The following UPP2 variants were observed in gnomAD, a reference collection of about 807,000 sequenced individuals.
UPP2 encodes the protein UPase 2.
In UPP2, 23 loss-of-function variants were observed where a neutral mutation model predicts 26.7. That is an observed-to-expected ratio of 0.86 (90% CI 0.62 to 1.22). The LOEUF is 1.22. Among genes scored for constraint, UPP2 ranks in the 50% most tolerant of loss-of-function variants. The probability of loss-of-function intolerance (pLI) is 0.00; values close to 1 mark genes in which losing one functional copy is unlikely to be tolerated. For missense variants in UPP2, 387 were observed against 396.7 expected (o/e 0.98, Z 0.21); for synonymous variants, 127 against 141.3 (o/e 0.90, Z 0.72).
At chr2:158,131,083 A>G (rs1683808922) in intron 6 of UPP2, among the ~76,000 whole-genome samples, 1 of 152,190 alleles carries the variant, frequency 6.6e-6, no homozygotes, top group African/African-American at 2.4e-5. Flanking sequence ...ATTAAAAAAC[A>G]TTTCCTGTGC....
intron 2 of UPP2, among the ~76,000 whole-genome samples, chr2:158,112,922 T>C (rs1296814918): frequency 6.6e-6 from 1 of 152,200 alleles, no homozygotes; most frequent in Non-Finnish European, 1.5e-5. Context: ...TCTAACTTCT[T>C]TGATAAAACC....
At chr2:158,116,436 A>G (rs1278777289) in intron 3 of UPP2, among the ~76,000 whole-genome samples, 1 of 152,200 alleles carries the variant, frequency 6.6e-6, no homozygotes, top group Non-Finnish European at 1.5e-5. Flanking sequence ...AGAAATGAAA[A>G]CAGCAATAGA....
chr2:158,103,062 C>A (rs1683107924), intron 1 of UPP2, among the ~76,000 whole-genome samples: 3 of 152,116 alleles, frequency 2.0e-5, no homozygotes, highest in Non-Finnish European at 4.4e-5. Context: ...CACATATAAA[C>A]CTATTTAGTA....
chr2:158,102,122 T>C lies in UPP2; in HGVS notation c.59T>C (p.Val20Ala). 1 of 1,611,478 alleles carries C rather than the reference T, an allele frequency of 6.2e-7. No individual in the cohort carries two copies. Among genetic ancestry groups the C allele is most frequent in the Non-Finnish European group, 8.5e-7 (1 of 1,179,190 alleles). ...RSMRSDRNTYVGKRFVHVKNP... is the reference protein window; with the variant it reads ...RSMRSDRNTYAGKRFVHVKNP... ...ATGAGATCTGACAGGAATACATATG[T>C]TGGGTGAGTAATTTTGATTTTGTAA... The change falls in exon 1 of 7, where the codon GTT becomes GCT. Residue 20 changes from valine to alanine, a missense_variant. Coordinates refer to ENST00000005756, the MANE Select transcript of UPP2 (RefSeq NM_173355.4).
chr2:158,004,496 A>C (rs1414049222), intron 2 of UPP2, among the ~76,000 whole-genome samples: 1 of 152,238 alleles, frequency 6.6e-6, no homozygotes, highest in Non-Finnish European at 1.5e-5. Flanking sequence ...TAATGAAAGC[A>C]GCTGTCAAAC....
chr2:158,022,019 T>C (rs1366458525), intron 3 of UPP2, among the ~76,000 whole-genome samples: 2 of 151,060 alleles, frequency 1.3e-5, no homozygotes, highest in Non-Finnish European at 2.9e-5. Context: ...ATGGAAGCCA[T>C]ACCATAAAGT....
intron 3 of UPP2, among the ~76,000 whole-genome samples, chr2:158,116,935 T>TCAACA (rs1396069052): frequency 6.6e-6 from 1 of 152,058 alleles, no homozygotes; most frequent in Admixed American, 6.6e-5. Flanking sequence ...TTTCCATAGC[T>TCAACA]CAACATTCTT....
intron 3 of UPP2, among the ~76,000 whole-genome samples, chr2:158,043,817 G>A (rs112653763): frequency 1.2e-3 from 183 of 152,268 alleles, no homozygotes; most frequent in Non-Finnish European, 1.9e-3. Context: ...CAGCATTAAC[G>A]ACAAGTTTAG....
chr2:158,038,997 G>A (rs1460582011), intron 3 of UPP2, among the ~76,000 whole-genome samples: 1 of 152,176 alleles, frequency 6.6e-6, no homozygotes, highest in African/African-American at 2.4e-5. Context: ...ATCCACTTTG[G>A]CTGGTTGCAC....
chr2:158,081,925 G>C (rs573900106), intron 3 of UPP2, among the ~76,000 whole-genome samples: 70 of 151,798 alleles, frequency 4.6e-4, no homozygotes, highest in African/African-American at 1.5e-3. Context: ...GGTTTTTGGG[G>C]AACAGGTGGT....
chr2:158,022,230 C>A (rs890468740), intron 3 of UPP2, among the ~76,000 whole-genome samples: 1 of 152,062 alleles, frequency 6.6e-6, no homozygotes, highest in South Asian at 2.1e-4. Context: ...GAGGCCGAGG[C>A]GGGCGAATCA....
intron 3 of UPP2, among the ~76,000 whole-genome samples, chr2:158,073,169 G>T (rs1458700116): frequency 6.6e-6 from 1 of 152,062 alleles, no homozygotes; most frequent in Non-Finnish European, 1.5e-5. Flanking sequence ...AAACTCTGGA[G>T]CTGAAAAATG....
At chr2:158,121,732 T>A in intron 5 of UPP2, 114 bp downstream of exon 5, 1 of 996,776 alleles carries the variant, frequency 1.0e-6, no homozygotes, top group Non-Finnish European at 1.5e-6. Context: ...ATTTGTGGGT[T>A]AAAAAGGAAA....
chr2:158,048,481 G>A (rs1469315507), intron 3 of UPP2, among the ~76,000 whole-genome samples: 1 of 152,220 alleles, frequency 6.6e-6, no homozygotes, highest in Non-Finnish European at 1.5e-5. Flanking sequence ...CCATGCACCT[G>A]TGGTCCCAGC....
intron 3 of UPP2, among the ~76,000 whole-genome samples, chr2:158,116,828 T>C (rs983506145): frequency 6.6e-6 from 1 of 152,188 alleles, no homozygotes; most frequent in African/African-American, 2.4e-5. Flanking sequence ...TACAAATCAA[T>C]ACAAGTTCGA....
At position 158,054,806 on chromosome 2, in the gene UPP2, A is replaced by G. The variant is rs879702867; in HGVS notation, c.147+38920A>G. ...TTAAACTACAATAAATACACAAAAC[A>G]TAAAACTTGCTATTTTAACCATTTT... On this transcript the variant is annotated intron_variant, in intron 3 of 9. Coordinates refer to the UPP2 transcript ENST00000605860. 4.6e-5 allele frequency among the ~76,000 whole-genome samples: 7 copies of G among 152,256 alleles called. 1 individual carries two copies. Among genetic ancestry groups the G allele is most frequent in the Non-Finnish European group, 1.0e-4 (7 of 68,042 alleles).
chr2:158,007,327 C>T (rs1193281670), intron 2 of UPP2, among the ~76,000 whole-genome samples: 2 of 152,182 alleles, frequency 1.3e-5, no homozygotes, highest in Non-Finnish European at 2.9e-5. Flanking sequence ...GTCAGGTTTT[C>T]GTGACTTCCA....
At chr2:158,090,006 T>C (rs1015393314) in intron 3 of UPP2, among the ~76,000 whole-genome samples, 1 of 152,150 alleles carries the variant, frequency 6.6e-6, no homozygotes, top group Non-Finnish European at 1.5e-5. Context: ...AAATTAGTCC[T>C]GCCTCCTATC....
intron 3 of UPP2, among the ~76,000 whole-genome samples, chr2:158,022,209 C>T (rs1011979000): frequency 1.4e-4 from 21 of 152,026 alleles, no homozygotes; most frequent in African/African-American, 4.8e-4. Flanking sequence ...CCTGTAATCC[C>T]AGCACTTTGG....
Sources: gnomAD v4.1 joint callset for allele counts (sites outside exome capture counted in the v4.1 genomes callset) on GRCh38, gnomAD v4.1.1 for gene constraint, MANE v1.5 for transcripts, NCBI Gene and HGNC (gene_info 2026-07-23, HGNC 2026-07-21) for gene names.